The following LCP2 variants were observed in gnomAD, a reference collection of about 807,000 sequenced individuals.
LCP2 encodes 76 kDa tyrosine phosphoprotein.
In LCP2, 29 loss-of-function variants were observed where a neutral mutation model predicts 74.5. The observed-to-expected ratio is 0.39, with a 90% CI of 0.29 to 0.53. The LOEUF (loss-of-function observed/expected upper bound fraction) is 0.53. LCP2 is among the 20% of genes least tolerant of loss of function. The probability of loss-of-function intolerance (pLI) is 0.72; values close to 1 mark genes in which losing one functional copy is unlikely to be tolerated. For missense variants in LCP2, 604 were observed against 634.6 expected, an observed-to-expected ratio of 0.95 and a Z score of 0.52; for synonymous variants, 228 against 229.5, an observed-to-expected ratio of 0.99 and a Z score of 0.06.
At chr5:170,281,102 G>C (rs1005430233) in intron 3 of LCP2, among the ~76,000 whole-genome samples, 1 of 152,186 alleles carries the variant, frequency 6.6e-6, no homozygotes, top group Non-Finnish European at 1.5e-5. Context: ...GCTTCACGTC[G>C]AGTGCTGTGG....
intron 1 of LCP2, among the ~76,000 whole-genome samples, chr5:170,296,289 A>C (rs1272453715): frequency 6.6e-6 from 1 of 152,200 alleles, no homozygotes; most frequent in African/African-American, 2.4e-5. Context: ...ACAGAAATGA[A>C]AGCACAAAAT....
At chr5:170,271,755 G>T (rs879645332) in intron 6 of LCP2, among the ~76,000 whole-genome samples, 2 of 151,902 alleles carry the variant, frequency 1.3e-5, no homozygotes, top group Non-Finnish European at 2.9e-5. Flanking sequence ...AAAGTCCAGG[G>T]GGTGAGTCAA....
chr5:170,283,650 T>A (rs1269701743), intron 3 of LCP2, among the ~76,000 whole-genome samples: 1 of 152,164 alleles, frequency 6.6e-6, no homozygotes, highest in African/African-American at 2.4e-5. Context: ...CTCTGGCTCC[T>A]GAGAATGGCT....
At chr5:170,282,867 G>A (rs1762127749) in intron 3 of LCP2, among the ~76,000 whole-genome samples, 1 of 152,148 alleles carries the variant, frequency 6.6e-6, no homozygotes, top group Non-Finnish European at 1.5e-5. Flanking sequence ...TTCTCACTAA[G>A]CTCTCCTGTC....
rs562405623 is a variant in LCP2, at chr5:170,283,302, A to G, written c.188+4668T>C. On this transcript the variant is annotated intron_variant, in intron 3 of 20. Coordinates refer to ENST00000046794, the MANE Select transcript of LCP2 (RefSeq NM_005565.5). ...ATGTGTTGATAATTCTCCCGTTCAC[A>G]CTAACCAGAAACCATTTCCCACCCC... is the stretch of plus-strand genomic sequence containing the variant. 3.9e-5 allele frequency among the ~76,000 whole-genome samples: 6 copies of G among 152,288 alleles called. No homozygotes were observed. The South Asian group carries it at 8.3e-4, about 21-fold the overall frequency.
At chr5:170,266,782 A>T (rs778113382) in intron 10 of LCP2, 26 bp downstream of exon 10, 1 of 1,564,678 alleles carries the variant, frequency 6.4e-7, no homozygotes, top group Non-Finnish European at 8.8e-7. Flanking sequence ...CATTATTACT[A>T]TGCATTAAAT....
rs1761883007 is a variant in LCP2, at chr5:170,270,723, G to A, written c.519C>T (p.Tyr173=). ...AKPFPNSNSM[Y]IDRPPSGKTP... is the part of the protein sequence containing the mutation. ...AATCCGGAAACGGGCCCTTACCGAT[G>A]TACATGGAGTTGGAGTTGGGGAAAG... The change falls in exon 7 of 21, where the codon TAC becomes TAT. Residue 173 remains tyrosine (Y), a synonymous_variant. Coordinates refer to ENST00000046794, the MANE Select transcript of LCP2 (RefSeq NM_005565.5). 2 of 1,577,406 alleles carry A rather than the reference G, an allele frequency of 1.3e-6. No individual in the cohort carries two copies. Among genetic ancestry groups the A allele is most frequent in the Middle Eastern group, 1.7e-4 (1 of 5,736 alleles).
chr5:170,250,702 G>A (rs1389294128), intron 20 of LCP2, 28 bp downstream of exon 20: 1 of 1,599,094 alleles, frequency 6.3e-7, no homozygotes, highest in South Asian at 1.1e-5. Context: ...AAAGACTTTG[G>A]GAAAATGTCG....
At chr5:170,273,718 G>C (rs1281542929) in intron 6 of LCP2, 2 of 155,212 alleles carry the variant, frequency 1.3e-5, no homozygotes, top group Admixed American at 6.3e-5. Flanking sequence ...TCCTGGGGAG[G>C]GGTTGTACAA....
intron 3 of LCP2, among the ~76,000 whole-genome samples, chr5:170,282,502 G>C (rs1242197211): frequency 6.6e-6 from 1 of 152,132 alleles, no homozygotes; most frequent in Non-Finnish European, 1.5e-5. Flanking sequence ...TCCTACAGCT[G>C]GTGGGAGGCA....
intron 2 of LCP2, among the ~76,000 whole-genome samples, chr5:170,289,591 TTTTCTTTCTTTC>T (rs147406658): frequency 6.7e-6 from 1 of 149,728 alleles, no homozygotes; most frequent in African/African-American, 2.5e-5. Flanking sequence ...TAACTACTCC[TTTTCTTTCTTTC>T]TTTCTTTCTT....
intron 3 of LCP2, among the ~76,000 whole-genome samples, chr5:170,280,258 T>C (rs1272360693): frequency 6.6e-6 from 1 of 151,912 alleles, no homozygotes; most frequent in African/African-American, 2.4e-5. Context: ...GGCTCCCGGC[T>C]CCTGGGTAGG....
intron 14 of LCP2, 144 bp downstream of exon 14, chr5:170,260,963 C>A (rs975632055): frequency 1.2e-5 from 8 of 657,694 alleles, no homozygotes. Flanking sequence ...ACAGAGGCAC[C>A]AGCCCTTAAG....
intron 6 of LCP2, 34 bp downstream of exon 6, chr5:170,274,267 G>A (rs374832881): frequency 1.1e-5 from 18 of 1,609,280 alleles, no homozygotes; most frequent in Admixed American, 1.7e-5. Flanking sequence ...GGACACTGCT[G>A]TAAAGGTGCA....
chr5:170,283,261 C>T (rs1024827495), intron 3 of LCP2, among the ~76,000 whole-genome samples: 14 of 152,148 alleles, frequency 9.2e-5, no homozygotes, highest in Non-Finnish European at 1.6e-4. Context: ...AAAGATCCCA[C>T]CCCAGCCCAT....
intron 20 of LCP2, among the ~76,000 whole-genome samples, chr5:170,249,362 G>GTATATATC (rs1761374724): frequency 1.8e-5 from 2 of 108,146 alleles, no homozygotes; most frequent in African/African-American, 6.2e-5. Flanking sequence ...GCATGCGTGT[G>GTATATATC]TATATATATA....
At chr5:170,281,071 CAG>C (rs1252945628) in intron 3 of LCP2, among the ~76,000 whole-genome samples, 2 of 152,038 alleles carry the variant, frequency 1.3e-5, no homozygotes, top group Non-Finnish European at 2.9e-5. Flanking sequence ...GGCACGTGAC[CAG>C]CATTTATGGG....
rs1448360028 is a variant in LCP2 at position 170,275,943 on chromosome 5, A to G, written c.189-83T>C. ...CCTGACCCTTGATATCCCCTGGTCT[A>G]TAGAAACTTGGGGCACCAGGGCCAA... On this transcript the variant is annotated intron_variant, in intron 3 of 20. Coordinates refer to ENST00000046794, the MANE Select transcript of LCP2 (RefSeq NM_005565.5). 21 of 1,276,330 alleles carry G rather than the reference A, an allele frequency of 1.6e-5. No homozygotes were observed. In the East Asian group the frequency reaches 2.8e-4, roughly 17 times the overall value. The allele number at this position is 1,276,330 out of a possible 1,614,324, so 79.1% of individuals were successfully genotyped here. A position where few individuals can be genotyped will look rare whatever the true frequency, so the allele number is the denominator to read the frequency against.
chr5:170,254,007 G>T (rs1761504284), intron 17 of LCP2, among the ~76,000 whole-genome samples: 1 of 152,146 alleles, frequency 6.6e-6, no homozygotes, highest in South Asian at 2.1e-4. Context: ...AAAATTCTGT[G>T]AGTCAAATGT....
Sources: gnomAD v4.1 joint callset for allele counts (sites outside exome capture counted in the v4.1 genomes callset) on GRCh38, gnomAD v4.1.1 for gene constraint, MANE v1.5 for transcripts, NCBI Gene and HGNC (gene_info 2026-07-23, HGNC 2026-07-21) for gene names.